SCYL3: variants seen among roughly 807,000 people sequenced by gnomAD.
SCYL3 encodes protein-associating with the carboxyl-terminal domain of ezrin.
SCYL3 carries 35 observed loss-of-function variants against 73.8 expected under a neutral mutation model. The ratio of observed to expected loss-of-function variants is 0.47; its 90% confidence interval spans 0.36 to 0.63. The LOEUF (loss-of-function observed/expected upper bound fraction) is 0.63. Among genes scored for constraint, SCYL3 ranks in the 20% least tolerant of loss-of-function variants. The pLI is 0.00. For synonymous variants in SCYL3, 277 were observed against 295.2 expected (o/e 0.94, Z 0.63); for missense variants, 712 against 798.9 (o/e 0.89, Z 1.31).
intron 8 of SCYL3, 107 bp from the exon 9 acceptor site, chr1:169,864,615 G>T: frequency 8.7e-7 from 1 of 1,144,720 alleles, no homozygotes; most frequent in Non-Finnish European, 1.2e-6. Flanking sequence ...TCAAAGTGAT[G>T]CATTTGAAAT....
intron 2 of SCYL3, among the ~76,000 whole-genome samples, chr1:169,879,483 AACAG>A (rs1413698279): frequency 2.4e-4 from 37 of 151,858 alleles, no homozygotes; most frequent in African/African-American, 7.5e-4. Context: ...AGTTTTGAGA[AACAG>A]ACAGGTTGCA....
chr1:169,878,525 T>A, intron 3 of SCYL3, 109 bp downstream of exon 3: 1 of 997,140 alleles, frequency 1.0e-6, no homozygotes, highest in East Asian at 2.7e-5. Context: ...TAATAACACT[T>A]AACTTACAAT....
chr1:169,864,280 A>G, intron 9 of SCYL3, 89 bp downstream of exon 9: 4 of 1,531,706 alleles, frequency 2.6e-6, no homozygotes, highest in Non-Finnish European at 3.6e-6. Context: ...AACATTAACT[A>G]CACCACACAG....
chr1:169,862,796 A>G lies in SCYL3; in HGVS notation c.957T>C (p.Asp319=), dbSNP rs375453601. ...FLPYLLGPKK[D]HAQGETPCLL... ...AGCAAGGAGTTTCTCCCTGCGCATG[A>G]TCTACCCGAAAAATCAAAGGTTACA... The change falls in exon 10 of 13, where the codon GAT becomes GAC. Residue 319 remains aspartate (D), a splice_region_variant and synonymous_variant. Transcript: ENST00000367771. 2 of 1,612,930 alleles carry G rather than the reference A, an allele frequency of 1.2e-6. No individual in the cohort carries two copies. The highest frequency in any genetic ancestry group is 2.2e-5 in the South Asian group (2 of 91,054).
intron 3 of SCYL3, among the ~76,000 whole-genome samples, chr1:169,877,571 A>G (rs749472438): frequency 3.3e-5 from 5 of 152,250 alleles, no homozygotes; most frequent in East Asian, 3.8e-4. Flanking sequence ...TGTGTATAGT[A>G]TATCTCCATT....
intron 7 of SCYL3, among the ~76,000 whole-genome samples, chr1:169,867,464 T>C (rs368846479): frequency 1.3e-4 from 20 of 151,970 alleles, no homozygotes; most frequent in African/African-American, 4.4e-4. Flanking sequence ...GTGAGAGGAG[T>C]GGTCGGTTTC....
intron 8 of SCYL3, among the ~76,000 whole-genome samples, chr1:169,866,493 C>G (rs1461456399): frequency 1.3e-5 from 2 of 152,194 alleles, no homozygotes; most frequent in Non-Finnish European, 2.9e-5. Flanking sequence ...GGTGTACCTC[C>G]TACCTGTCCT....
chr1:169,855,202 A>G (rs1388614244), intron 11 of SCYL3, among the ~76,000 whole-genome samples: 1 of 152,234 alleles, frequency 6.6e-6, no homozygotes, highest in Non-Finnish European at 1.5e-5. Flanking sequence ...AGTAATAACT[A>G]GTGCATTCAA....
At chr1:169,883,479 TGGGA>T (rs1257299418) in intron 2 of SCYL3, among the ~76,000 whole-genome samples, 1 of 152,168 alleles carries the variant, frequency 6.6e-6, no homozygotes, top group East Asian at 1.9e-4. Context: ...CCAATCAGAT[TGGGA>T]GGAGAGTGAT....
intron 10 of SCYL3, among the ~76,000 whole-genome samples, chr1:169,860,505 G>A (rs1021327028): frequency 1.3e-5 from 2 of 152,172 alleles, no homozygotes; most frequent in African/African-American, 4.8e-5. Flanking sequence ...AATGTGACTT[G>A]ACCAATTGGT....
chr1:169,853,691 A>C lies in SCYL3; in HGVS notation c.*22T>G. On this transcript the variant is annotated 3_prime_UTR_variant, in exon 13 of 13. Coordinates refer to ENST00000367771, the MANE Select transcript of SCYL3 (RefSeq NM_020423.7). Reference sequence around the variant, plus strand: ...TTAAAAAAAGGGAATCCTTTTTCCTAAAGTTTAACTCACATCTATTGTCAC... The same window carrying C: ...TTAAAAAAAGGGAATCCTTTTTCCTCAAGTTTAACTCACATCTATTGTCAC... The C allele has an allele frequency of 6.2e-7, 1 of 1,609,578 alleles. No individual in the cohort carries two copies. Among genetic ancestry groups the C allele is most frequent in the Non-Finnish European group, 8.5e-7 (1 of 1,178,266 alleles).
intron 4 of SCYL3, among the ~76,000 whole-genome samples, chr1:169,874,029 T>C (rs1660620583): frequency 1.3e-5 from 2 of 152,246 alleles, no homozygotes; most frequent in Non-Finnish European, 2.9e-5. Context: ...GAGGCATCTG[T>C]GCATCTGATT....
chr1:169,875,137 C>T (rs1225220258), intron 4 of SCYL3, among the ~76,000 whole-genome samples: 20 of 152,140 alleles, frequency 1.3e-4, no homozygotes, highest in Admixed American at 1.3e-3. Flanking sequence ...TGTGGTAGAA[C>T]ATCTGAACTG....
intron 11 of SCYL3, among the ~76,000 whole-genome samples, chr1:169,857,385 T>C (rs1467723870): frequency 6.6e-6 from 1 of 152,264 alleles, no homozygotes; most frequent in Non-Finnish European, 1.5e-5. Context: ...TTAAGTCATT[T>C]CTTGGTTACT....
chr1:169,890,275 T>A (rs2102219518), intron 1 of SCYL3, among the ~76,000 whole-genome samples: 1 of 152,368 alleles, frequency 6.6e-6, no homozygotes, highest in South Asian at 2.1e-4. Flanking sequence ...TAAACCTATA[T>A]AGGCCAAACA....
Position 169,869,029 on chromosome 1 carries a change from A to G in SCYL3, c.636T>C (p.Asp212=), listed in dbSNP as rs1660222403. Residue 212 remains aspartate, a synonymous_variant, in exon 7 of 13, where the codon GAT becomes GAC. Transcript: ENST00000367771. The part of the protein sequence containing the change: ...LTILNEQVSA[D]VLSSFQQTLH... ...AGGTCTGTTGAAAGCTGGAGAGAACATCCGCTGAAACTGAAATCCAGAGCT... is the reference window on the plus strand; with the variant it reads ...AGGTCTGTTGAAAGCTGGAGAGAACGTCCGCTGAAACTGAAATCCAGAGCT... The G allele has an allele frequency of 2.5e-6, 4 of 1,613,732 alleles. No homozygotes were observed. Among genetic ancestry groups the G allele is most frequent in the South Asian group, 1.1e-5 (1 of 91,072 alleles).
chr1:169,871,379 C>A (rs1206719678), intron 5 of SCYL3, among the ~76,000 whole-genome samples: 4 of 152,218 alleles, frequency 2.6e-5, no homozygotes, highest in Non-Finnish European at 5.9e-5. Context: ...CATAAGCTCT[C>A]TTCTCTTGTC....
Position 169,850,654 on chromosome 1 carries a change from G to T in SCYL3, c.*3059C>A. 1 of 211,542 alleles carries T rather than the reference G, an allele frequency of 4.7e-6. No individual in the cohort carries two copies. Among genetic ancestry groups the T allele is most frequent in the Non-Finnish European group, 9.7e-6 (1 of 102,822 alleles). 13.1% of individuals were successfully genotyped at this position (211,542 alleles called of 1,614,324 possible). On this transcript the variant is annotated 3_prime_UTR_variant, in exon 13 of 13. Coordinates refer to ENST00000367771, the MANE Select transcript of SCYL3 (RefSeq NM_020423.7). Reference sequence around the variant, plus strand: ...CTACTAAAAATACAAAAATTAGCCGGGCATGGTGGTACGCGCCTGCAGTCC... The same window carrying T: ...CTACTAAAAATACAAAAATTAGCCGTGCATGGTGGTACGCGCCTGCAGTCC...
chr1:169,849,936 G>T lies in SCYL3; in HGVS notation c.*3777C>A. ...TTCATTTTGTGCTATCAGTCATAAG[G>T]GTTAGGCTGATGAACCTAAACCTGT... On this transcript the variant is annotated 3_prime_UTR_variant, in exon 13 of 13. Transcript: ENST00000367771. The T allele has an allele frequency of 2.1e-6, 1 of 467,378 alleles. No homozygotes were observed. The highest frequency in any genetic ancestry group is 3.8e-6 in the Non-Finnish European group (1 of 259,910). The allele number at this position is 467,378 out of a possible 1,614,324, so 29.0% of individuals were successfully genotyped here.
Sources: gnomAD v4.1 joint callset for allele counts (sites outside exome capture counted in the v4.1 genomes callset) on GRCh38, gnomAD v4.1.1 for gene constraint, MANE v1.5 for transcripts, NCBI Gene and HGNC (gene_info 2026-07-23, HGNC 2026-07-21) for gene names.